Variants in TTC7B observed in about 807,000 individuals in gnomAD.
TTC7B encodes the protein tetratricopeptide repeat domain 7B.
Under a neutral mutation model 106.8 loss-of-function variants are expected in TTC7B, and 28 were observed. The observed-to-expected ratio is 0.26, with a 90% CI of 0.19 to 0.36. The LOEUF is 0.36. TTC7B is among the 10% of genes least tolerant of loss of function. TTC7B has a pLI of 1.00. For missense variants in TTC7B, 862 were observed against 1,076.4 expected, an observed-to-expected ratio of 0.80 and a Z score of 2.79; for synonymous variants, 405 against 430.6, an observed-to-expected ratio of 0.94 and a Z score of 0.74.
At chr14:90,565,189 C>A (rs1890738152) in intron 19 of TTC7B, among the ~76,000 whole-genome samples, 1 of 152,202 alleles carries the variant, frequency 6.6e-6, no homozygotes, top group African/African-American at 2.4e-5. Flanking sequence ...CTGGTCTGAT[C>A]TTCTATCCAG....
At chr14:90,612,321 C>T (rs917414361) in intron 16 of TTC7B, among the ~76,000 whole-genome samples, 1 of 152,088 alleles carries the variant, frequency 6.6e-6, no homozygotes, top group East Asian at 1.9e-4. Flanking sequence ...ATATTTCTGG[C>T]GCAGGTCTGT....
intron 17 of TTC7B, among the ~76,000 whole-genome samples, chr14:90,598,247 G>A (rs976976505): frequency 6.6e-6 from 1 of 152,224 alleles, no homozygotes; most frequent in Non-Finnish European, 1.5e-5. Flanking sequence ...TCTAGCACAG[G>A]TCTGTCGTCA....
At chr14:90,625,577 C>G (rs1353261865) in intron 15 of TTC7B, among the ~76,000 whole-genome samples, 1 of 152,188 alleles carries the variant, frequency 6.6e-6, no homozygotes, top group Non-Finnish European at 1.5e-5. Context: ...CCGTCACTGG[C>G]CCGACCTCCG....
intron 4 of TTC7B, among the ~76,000 whole-genome samples, chr14:90,739,046 G>C (rs985506023): frequency 1.4e-4 from 21 of 152,032 alleles, no homozygotes; most frequent in Non-Finnish European, 2.5e-4. Flanking sequence ...AAAAAACACA[G>C]ACAGGAAATA....
At chr14:90,680,328 T>G in intron 8 of TTC7B, 144 bp downstream of exon 8, 1 of 615,096 alleles carries the variant, frequency 1.6e-6, no homozygotes, top group Admixed American at 3.0e-5. Flanking sequence ...TTTTTAAACC[T>G]CTACTGTTTT....
chr14:90,632,263 C>A (rs533185804), intron 15 of TTC7B, among the ~76,000 whole-genome samples: 1 of 152,200 alleles, frequency 6.6e-6, no homozygotes, highest in Non-Finnish European at 1.5e-5. Flanking sequence ...TTCATTGCTT[C>A]ATCACTCAGC....
At chr14:90,812,088 C>T (rs1160523092) in intron 1 of TTC7B, among the ~76,000 whole-genome samples, 2 of 152,268 alleles carry the variant, frequency 1.3e-5, no homozygotes, top group African/African-American at 4.8e-5. Context: ...TGACCATGTG[C>T]CCTGGCTGAC....
intron 18 of TTC7B, among the ~76,000 whole-genome samples, chr14:90,587,151 T>A (rs1891749042): frequency 6.6e-6 from 1 of 152,162 alleles, no homozygotes; most frequent in Non-Finnish European, 1.5e-5. Context: ...TGGAGTGATT[T>A]TTTTTCCGGA....
chr14:90,633,437 G>A (rs1003488387), intron 15 of TTC7B, among the ~76,000 whole-genome samples: 1 of 152,218 alleles, frequency 6.6e-6, no homozygotes, highest in African/African-American at 2.4e-5. Context: ...TGTAAGGCTT[G>A]CTGAATGAGA....
intron 8 of TTC7B, among the ~76,000 whole-genome samples, chr14:90,679,503 T>G (rs1475811880): frequency 6.6e-6 from 1 of 152,204 alleles, no homozygotes; most frequent in East Asian, 1.9e-4. Flanking sequence ...CCCCGGGGGT[T>G]GGCGGTAAGC....
At chr14:90,648,539 C>A (rs1425151576) in intron 13 of TTC7B, 1 of 151,990 alleles carries the variant, frequency 6.6e-6, no homozygotes, top group Non-Finnish European at 1.5e-5. Context: ...TTTTGTAGAC[C>A]CGGGGTTTCA....
chr14:90,736,169 C>T (rs1049472932), intron 4 of TTC7B, among the ~76,000 whole-genome samples: 1 of 147,238 alleles, frequency 6.8e-6, no homozygotes, highest in African/African-American at 2.6e-5. Flanking sequence ...TATATATATA[C>T]CACAATGAAC....
intron 14 of TTC7B, among the ~76,000 whole-genome samples, chr14:90,646,394 C>A (rs1383470376): frequency 1.3e-5 from 2 of 152,218 alleles, no homozygotes; most frequent in African/African-American, 4.8e-5. Context: ...TGAAGGCCGA[C>A]AAAACTTGCC....
chr14:90,737,606 T>G (rs188160883), intron 4 of TTC7B, among the ~76,000 whole-genome samples: 32 of 137,542 alleles, frequency 2.3e-4, no homozygotes, highest in African/African-American at 7.9e-4. Context: ...CAGGCTGGAG[T>G]GCAGTGGCAC....
chr14:90,671,831 GCA>G (rs1451579527), intron 9 of TTC7B, among the ~76,000 whole-genome samples: 1 of 152,236 alleles, frequency 6.6e-6, no homozygotes, highest in East Asian at 1.9e-4. Context: ...ATGATGTGGT[GCA>G]CACAGAGGCG....
intron 1 of TTC7B, among the ~76,000 whole-genome samples, chr14:90,794,206 T>A (rs1595377796): frequency 1.6e-5 from 1 of 60,762 alleles, no homozygotes. Context: ...CCTGGCTGGG[T>A]ATTTCTTTTT....
intron 5 of TTC7B, among the ~76,000 whole-genome samples, chr14:90,709,782 T>C (rs1416646811): frequency 1.3e-5 from 2 of 152,108 alleles, no homozygotes; most frequent in Admixed American, 1.3e-4. Context: ...TATTTTATAA[T>C]GCTTTTGTCA....
chr14:90,725,866 A>C (rs1889081006), intron 5 of TTC7B, among the ~76,000 whole-genome samples: 1 of 152,254 alleles, frequency 6.6e-6, no homozygotes, highest in Non-Finnish European at 1.5e-5. Flanking sequence ...GCTAACAAGA[A>C]GCAAGGTTAC....
chr14:90,737,493 G>A (rs941462703), intron 4 of TTC7B, among the ~76,000 whole-genome samples: 5 of 150,352 alleles, frequency 3.3e-5, no homozygotes, highest in Admixed American at 1.3e-4. Context: ...TTTTCAGAAC[G>A]TGATGCTATG....
Sources: allele counts gnomAD v4.1 joint callset (sites outside exome capture counted in the v4.1 genomes callset), GRCh38; gene constraint gnomAD v4.1.1; transcripts MANE v1.5; gene names NCBI Gene and HGNC (gene_info 2026-07-23, HGNC 2026-07-21).